DNAH6: variants seen among roughly 807,000 people sequenced by gnomAD.
The protein encoded by DNAH6 is axonemal beta dynein heavy chain 6.
Under a neutral mutation model 491.4 loss-of-function variants are expected in DNAH6, and 340 were observed. That is an observed-to-expected ratio of 0.69 (90% CI 0.63 to 0.76). The LOEUF is 0.76. Ranked by LOEUF, DNAH6 falls within the 30% of genes least tolerant of loss-of-function variation. The pLI is 0.00. For missense variants in DNAH6, 4,443 were observed against 4,972.2 expected, an observed-to-expected ratio of 0.89 and a Z score of 3.20; for synonymous variants, 1,603 against 1,686.1, an observed-to-expected ratio of 0.95 and a Z score of 1.21.
rs374433871 is a variant in DNAH6, at chr2:84,529,055, G to C, written c.551G>C (p.Arg184Pro). ...DREEVVKANI[R>P]DPLQIIKIIR... ...GAAGAAGTTGTTAAAGCCAACATTC[G>C]TGATCCCTTGCAAATCATTAAAATA... The change falls in exon 4 of 77, where the codon CGT (arginine) becomes CCT (proline). Residue 184 changes from arginine to proline, a missense_variant. Physicochemically the swap from Arg to Pro is moderately radical, Grantham distance 103. Around this residue, in one of 3 missense-constraint regions of DNAH6, gnomAD observed 2,977 missense variants for 3,296.6 expected, o/e 0.90. Transcript: ENST00000389394. The C allele has an allele frequency of 6.5e-4, 1,015 of 1,550,864 alleles. No homozygotes were observed. Among genetic ancestry groups the C allele is most frequent in the Non-Finnish European group, 8.5e-4 (978 of 1,146,686 alleles).
chr2:84,549,305 AGC>A (rs1460312330), intron 8 of DNAH6, among the ~76,000 whole-genome samples: 1 of 152,242 alleles, frequency 6.6e-6, no homozygotes, highest in African/African-American at 2.4e-5. Flanking sequence ...AAATCAGTGA[AGC>A]GGTCTCTGAG....
intron 26 of DNAH6, among the ~76,000 whole-genome samples, chr2:84,622,643 T>G (rs1051870948): frequency 2.0e-5 from 3 of 152,092 alleles, no homozygotes; most frequent in African/African-American, 4.8e-5. Flanking sequence ...AACATAGGAG[T>G]GCAGATAGTC....
In DNAH6 at chr2:84,774,150, T is replaced by C. The variant is rs141191021; in HGVS notation, c.10704-7343T>C. Among the ~76,000 whole-genome samples, 22 of 152,132 alleles carry C rather than the reference T, an allele frequency of 1.4e-4. No homozygotes were observed. In the East Asian group the frequency reaches 4.2e-3, roughly 29 times the overall value. ...TAAATTCTTTTCCAAGGCTGATGTCTAAAATGGTGTTTCCTAGGTTATCTT... is the reference window on the plus strand; with the variant it reads ...TAAATTCTTTTCCAAGGCTGATGTCCAAAATGGTGTTTCCTAGGTTATCTT... On this transcript the variant is annotated intron_variant, in intron 64 of 76. Transcript: ENST00000389394.
chr2:84,540,900 T>A (rs1296339513), intron 4 of DNAH6, among the ~76,000 whole-genome samples: 2 of 152,190 alleles, frequency 1.3e-5, no homozygotes, highest in Non-Finnish European at 2.9e-5. Flanking sequence ...GAGACTTCCA[T>A]CTCAATCTAA....
intron 24 of DNAH6, among the ~76,000 whole-genome samples, chr2:84,620,633 C>G (rs975269609): frequency 6.6e-6 from 1 of 152,080 alleles, no homozygotes; most frequent in Non-Finnish European, 1.5e-5. Flanking sequence ...TCTATGGGAA[C>G]ATATAAACAT....
At chr2:84,500,081 G>A in the DNAH6 span, among the ~76,000 whole-genome samples, 1 of 152,192 alleles carries the variant, frequency 6.6e-6, no homozygotes, top group East Asian at 1.9e-4. Flanking sequence ...CGCTTGTGGG[G>A]TATTGCTCAA....
chr2:84,660,095 A>G (rs1030015049), intron 37 of DNAH6, among the ~76,000 whole-genome samples: 5 of 152,236 alleles, frequency 3.3e-5, no homozygotes, highest in Admixed American at 6.5e-5. Context: ...AGCAATGAGC[A>G]TATCTAGTAT....
rs1352092036 is a variant in DNAH6, at chr2:84,701,091, T to G, written c.7819-6T>G. On this transcript the variant is annotated splice_region_variant and splice_polypyrimidine_tract_variant and intron_variant, in intron 48 of 76. Coordinates refer to ENST00000389394, the MANE Select transcript of DNAH6 (RefSeq NM_001370.2). ...CAGATTTTCTAGATTTTTCCTTGATTCACAGTGGCCCAGAGAAGCACTTCT... is the reference window on the plus strand; with the variant it reads ...CAGATTTTCTAGATTTTTCCTTGATGCACAGTGGCCCAGAGAAGCACTTCT... 31 of 1,547,310 alleles carry G rather than the reference T, an allele frequency of 2.0e-5. No homozygotes were observed. The highest frequency in any genetic ancestry group is 3.9e-5 in the Admixed American group (2 of 50,880).
intron 64 of DNAH6, among the ~76,000 whole-genome samples, chr2:84,780,543 C>G (rs1035618828): frequency 3.9e-5 from 6 of 152,100 alleles, no homozygotes; most frequent in African/African-American, 1.2e-4. Flanking sequence ...GATCATTTTA[C>G]TGGCTTCTTT....
intron 48 of DNAH6, 83 bp from the exon 49 acceptor site, chr2:84,701,014 C>A: frequency 6.8e-7 from 1 of 1,466,368 alleles, no homozygotes; most frequent in Non-Finnish European, 9.1e-7. Context: ...GAGGAGTTCC[C>A]GAGAAATATG....
At chr2:84,646,245 T>C (rs1176638706) in intron 33 of DNAH6, among the ~76,000 whole-genome samples, 1 of 152,194 alleles carries the variant, frequency 6.6e-6, no homozygotes, top group Non-Finnish European at 1.5e-5. Flanking sequence ...GCAAACTTAA[T>C]TGATAAATGT....
In DNAH6 at chr2:84,529,087, G is replaced by A. The variant is rs1676903946; in HGVS notation, c.583G>A (p.Glu195Lys). Residue 195 changes from glutamate (E) to lysine (K), a missense_variant, in exon 4 of 77, where the codon GAA becomes AAA. By Grantham distance (56) the Glu-to-Lys change is moderately conservative. Coordinates refer to ENST00000389394, the MANE Select transcript of DNAH6 (RefSeq NM_001370.2). ...CTTGCAAATCATTAAAATAATACGT[G>A]AAAATGAACATCTTGGATTTCTTTA... ...DPLQIIKIIR[E>K]NEHLGFLYMI... 6.4e-7 allele frequency: 1 copy of A among 1,550,878 alleles called. No homozygotes were observed. Among genetic ancestry groups the A allele is most frequent in the Non-Finnish European group, 8.7e-7 (1 of 1,146,544 alleles).
At chr2:84,668,288 G>A (rs996518893) in intron 37 of DNAH6, among the ~76,000 whole-genome samples, 2 of 152,086 alleles carry the variant, frequency 1.3e-5, no homozygotes, top group Non-Finnish European at 2.9e-5. Context: ...AGAAAGTAGA[G>A]TGAATTGCAC....
At chr2:84,740,925 C>G (rs1480568362) in intron 62 of DNAH6, among the ~76,000 whole-genome samples, 1 of 152,188 alleles carries the variant, frequency 6.6e-6, no homozygotes, top group Non-Finnish European at 1.5e-5. Context: ...CCTTCCAGAA[C>G]AAGCACTTTA....
At position 84,815,856 on chromosome 2, in the gene DNAH6, T is replaced by C; in HGVS notation, c.12151-5T>C. 1 of 1,546,444 alleles carries C rather than the reference T, an allele frequency of 6.5e-7. No individual in the cohort carries two copies. The highest frequency in any genetic ancestry group is 8.7e-7 in the Non-Finnish European group (1 of 1,143,084). On this transcript the variant is annotated splice_polypyrimidine_tract_variant and splice_region_variant and intron_variant, in intron 75 of 76. Coordinates refer to ENST00000389394, the MANE Select transcript of DNAH6 (RefSeq NM_001370.2). ...CTCACTTTGAGACTTGTGGGTATCT[T>C]TCAGTTGCCCTCTCCTGAGGATGGT...
chr2:84,781,610 G>C lies in DNAH6; in HGVS notation c.10821G>C (p.Trp3607Cys). 2 of 1,551,900 alleles carry C rather than the reference G, an allele frequency of 1.3e-6. No individual in the cohort carries two copies. Among genetic ancestry groups the C allele is most frequent in the South Asian group, 1.2e-5 (1 of 84,044 alleles). Residue 3607 changes from tryptophan (W) to cysteine (C), a missense_variant, in exon 65 of 77, where the codon TGG (tryptophan) becomes TGC (cysteine). This residue lies in a region of DNAH6 where 1,463 missense variants were observed against 1,656.6 expected (regional missense o/e 0.88). Transcript: ENST00000389394. ...FLQNCHLAVS[W>C]MLAMEELIKT... is the part of the protein sequence containing the mutation. ...AAAATTGCCATCTTGCTGTTTCTTG[G>C]ATGTTGGCAATGGAAGAGCTCATTA...
chr2:84,686,371 TATTA>T (rs1184716850), intron 43 of DNAH6, 109 bp from the exon 44 acceptor site: 2 of 640,596 alleles, frequency 3.1e-6, no homozygotes, highest in Non-Finnish European at 5.5e-6. Flanking sequence ...TTTTTATGTA[TATTA>T]ATTAAGTCTT....
At chr2:84,739,867 A>C (rs187565202) in intron 62 of DNAH6, among the ~76,000 whole-genome samples, 9 of 152,036 alleles carry the variant, frequency 5.9e-5, no homozygotes, top group African/African-American at 2.2e-4. Flanking sequence ...TCTGAATTCT[A>C]TATCTGTCAT....
intron 37 of DNAH6, among the ~76,000 whole-genome samples, chr2:84,662,388 C>T (rs1482622175): frequency 6.6e-6 from 1 of 152,156 alleles, no homozygotes; most frequent in Non-Finnish European, 1.5e-5. Flanking sequence ...CCTGGAAAAT[C>T]GGGACACTCC....
Sources: gnomAD v4.1 joint callset for allele counts (sites outside exome capture counted in the v4.1 genomes callset) on GRCh38, gnomAD v4.1.1 for gene constraint, gnomAD v4.1.1 regional missense constraint, MANE v1.5 for transcripts, NCBI Gene and HGNC (gene_info 2026-07-23, HGNC 2026-07-21) for gene names.